The following PREX2 variants were observed in gnomAD, a reference collection of about 807,000 sequenced individuals.
PREX2 encodes phosphatidylinositol-3,4,5-trisphosphate dependent Rac exchange factor 2.
In PREX2, 107 loss-of-function variants were observed where a neutral mutation model predicts 203.2. The ratio of observed to expected loss-of-function variants is 0.53; its 90% CI spans 0.45 to 0.62. The LOEUF (loss-of-function observed/expected upper bound fraction) is 0.62, where lower values mean the gene tolerates loss of function less well. Among genes scored for constraint, PREX2 ranks in the 20% least tolerant of loss-of-function variants. The probability of loss-of-function intolerance (pLI) is 0.00; values close to 1 mark genes in which losing one functional copy is unlikely to be tolerated. For synonymous variants in PREX2, 672 were observed against 663.6 expected (o/e 1.01, Z -0.19); for missense variants, 1,777 against 1,955.9 (o/e 0.91, Z 1.72).
intron 39 of PREX2, among the ~76,000 whole-genome samples, chr8:68,230,480 C>T (rs543979336): frequency 2.0e-5 from 3 of 152,316 alleles, no homozygotes; most frequent in African/African-American, 7.2e-5. Context: ...ATCAATCTCT[C>T]AGGATATGCT....
At chr8:68,100,679 G>C (rs926759314) in intron 23 of PREX2, among the ~76,000 whole-genome samples, 4 of 152,204 alleles carry the variant, frequency 2.6e-5, no homozygotes, top group African/African-American at 9.6e-5. Context: ...CTTAGGTGGG[G>C]CCAACTGTGA....
intron 11 of PREX2, among the ~76,000 whole-genome samples, chr8:68,066,311 A>G (rs536580576): frequency 2.2e-4 from 33 of 152,222 alleles, no homozygotes; most frequent in African/African-American, 7.7e-4. Flanking sequence ...CTGTTTTCCA[A>G]AATGGCTATA....
chr8:68,091,769 A>G (rs1310154188), intron 20 of PREX2, among the ~76,000 whole-genome samples: 5 of 152,346 alleles, frequency 3.3e-5, no homozygotes, highest in Admixed American at 2.0e-4. Context: ...CCAGAATGTT[A>G]ATAAGCAGAG....
At position 68,191,800 on chromosome 8, in the gene PREX2, T is replaced by A; in HGVS notation, c.4413+12T>A. 1 of 1,544,586 alleles carries A rather than the reference T, an allele frequency of 6.5e-7. No homozygotes were observed. Among genetic ancestry groups the A allele is most frequent in the Non-Finnish European group, 8.9e-7 (1 of 1,121,668 alleles). On this transcript the variant is annotated intron_variant, in intron 36 of 39. Transcript: ENST00000288368. The stretch of plus-strand genomic sequence containing the variant: ...CCTATGTAGATAAGGTAAAAACAGA[T>A]GATTATATTTATTGGTGCTTTTTAA...
At chr8:68,119,947 G>A (rs1262224291) in intron 28 of PREX2, among the ~76,000 whole-genome samples, 1 of 151,872 alleles carries the variant, frequency 6.6e-6, no homozygotes, top group Non-Finnish European at 1.5e-5. Flanking sequence ...ACTTTGAAAA[G>A]GATTCCAATA....
chr8:68,090,876 T>G (rs1461357119), intron 20 of PREX2, among the ~76,000 whole-genome samples, 161 bp downstream of exon 20: 1 of 152,204 alleles, frequency 6.6e-6, no homozygotes, highest in African/African-American at 2.4e-5. Flanking sequence ...TCTGCATAAT[T>G]AATTATAATT....
rs759180342 is a variant in PREX2 at position 68,090,631 on chromosome 8, G to A, written c.2166G>A (p.Val722=). ...ACCCTGGACAGTGCATTATCAAGGT[G>A]AATGGAATCAATGTCAGCAAAGAGA... ...GLHPGQCIIK[V]NGINVSKETH... is the part of the protein sequence containing the mutation. The change falls in exon 20 of 40, where the codon GTG becomes GTA. Residue 722 remains valine (V), a synonymous_variant. Coordinates refer to ENST00000288368, the MANE Select transcript of PREX2 (RefSeq NM_024870.4). 6.2e-7 allele frequency: 1 copy of A among 1,613,884 alleles called. No individual in the cohort carries two copies. The highest frequency in any genetic ancestry group is 1.3e-5 in the African/African-American group (1 of 75,036).
At chr8:68,197,957 C>T (rs1812431537) in intron 37 of PREX2, among the ~76,000 whole-genome samples, 1 of 151,830 alleles carries the variant, frequency 6.6e-6, no homozygotes, top group South Asian at 2.1e-4. Context: ...TAAGAAACTA[C>T]AGAGCGGCAT....
intron 35 of PREX2, among the ~76,000 whole-genome samples, chr8:68,158,541 C>T (rs1209036538): frequency 1.3e-5 from 2 of 152,070 alleles, no homozygotes; most frequent in African/African-American, 4.8e-5. Context: ...GGCATTCTCA[C>T]TGATTTACAG....
chr8:68,013,274 A>T (rs917072636), intron 1 of PREX2, among the ~76,000 whole-genome samples: 1 of 152,154 alleles, frequency 6.6e-6, no homozygotes, highest in Non-Finnish European at 1.5e-5. Flanking sequence ...ACTGTCTCCA[A>T]TGGACTGGGG....
At chr8:68,069,943 G>T (rs1809147746) in intron 13 of PREX2, 59 bp downstream of exon 13, 5 of 931,570 alleles carry the variant, frequency 5.4e-6, no homozygotes, top group South Asian at 3.5e-5. Flanking sequence ...CTATGTTTTA[G>T]GTAAATATTA....
At chr8:68,089,174 A>G (rs749124691) in intron 19 of PREX2, among the ~76,000 whole-genome samples, 31 of 143,044 alleles carry the variant, frequency 2.2e-4, no homozygotes, top group Admixed American at 3.7e-4. Context: ...TCAGCCTTGG[A>G]TCAACCTAAC....
chr8:67,959,069 A>G (rs1360538691), intron 1 of PREX2, among the ~76,000 whole-genome samples: 1 of 152,260 alleles, frequency 6.6e-6, no homozygotes, highest in East Asian at 1.9e-4. Flanking sequence ...AAGAAAATAC[A>G]CAAACAAAAG....
chr8:68,063,015 A>G (rs1808903799), intron 11 of PREX2, among the ~76,000 whole-genome samples: 1 of 152,200 alleles, frequency 6.6e-6, no homozygotes, highest in Non-Finnish European at 1.5e-5. Context: ...TAAATTGTAT[A>G]TGATTTTGCG....
At chr8:68,150,800 G>A (rs1811418747) in intron 34 of PREX2, among the ~76,000 whole-genome samples, 2 of 152,182 alleles carry the variant, frequency 1.3e-5, no homozygotes, top group Admixed American at 1.3e-4. Context: ...CACAAGCTCG[G>A]TGGCTTAAAA....
intron 30 of PREX2, among the ~76,000 whole-genome samples, chr8:68,124,644 T>A (rs1810852533): frequency 6.6e-6 from 1 of 152,056 alleles, no homozygotes; most frequent in Non-Finnish European, 1.5e-5. Flanking sequence ...CTTAAAAGTT[T>A]AAAAAAATAT....
chr8:68,058,274 C>G (rs1453744297), intron 10 of PREX2, among the ~76,000 whole-genome samples: 1 of 152,144 alleles, frequency 6.6e-6, no homozygotes, highest in Non-Finnish European at 1.5e-5. Context: ...TTTCAGGAAT[C>G]TAGTGCCATC....
chr8:68,131,226 G>T (rs925597795), intron 31 of PREX2, among the ~76,000 whole-genome samples: 4 of 152,190 alleles, frequency 2.6e-5, no homozygotes, highest in Non-Finnish European at 5.9e-5. Context: ...ATAAATAGGG[G>T]ATAGGTCACA....
At position 68,217,587 on chromosome 8, in the gene PREX2, G is replaced by T. The variant is rs755575040; in HGVS notation, c.4605-29G>T. On this transcript the variant is annotated intron_variant, in intron 37 of 39. Transcript: ENST00000288368. The stretch of plus-strand genomic sequence containing the variant: ...CAAAGGGTGTATCAGGAACCATGGG[G>T]TCTGACTTGCCCTTGCCTTGGCCCA... The T allele has an allele frequency of 3.3e-5, 52 of 1,552,282 alleles. No homozygotes were observed. In the South Asian group the frequency reaches 5.1e-4, roughly 15 times the overall value.
Sources: gnomAD v4.1 joint callset for allele counts (sites outside exome capture counted in the v4.1 genomes callset) on GRCh38, gnomAD v4.1.1 for gene constraint, MANE v1.5 for transcripts, NCBI Gene and HGNC (gene_info 2026-07-23, HGNC 2026-07-21) for gene names.